COG6: variants seen among roughly 807,000 people sequenced by gnomAD.
COG6 encodes the protein conserved oligomeric Golgi complex subunit 6.
COG6 carries 74 observed loss-of-function variants against 88.8 expected under a neutral mutation model. That is an observed-to-expected ratio of 0.83 (90% CI 0.69 to 1.01). COG6 has a LOEUF of 1.01. Among genes scored for constraint, COG6 ranks in the 50% least tolerant of loss-of-function variants. The probability of loss-of-function intolerance (pLI) is 0.00; values close to 1 mark genes in which losing one functional copy is unlikely to be tolerated. For synonymous variants in COG6, 286 were observed against 278.7 expected, an observed-to-expected ratio of 1.03 and a Z score of -0.26; for missense variants, 800 against 797.9, an observed-to-expected ratio of 1.00 and a Z score of -0.03.
intron 12 of COG6, 51 bp downstream of exon 12, chr13:39,694,776 C>G (rs1383172609): frequency 1.0e-6 from 1 of 994,226 alleles, no homozygotes; most frequent in Non-Finnish European, 1.6e-6. Flanking sequence ...ATATTTCTTT[C>G]AGTTAGAGCA....
At position 39,719,994 on chromosome 13, in the gene COG6, A is replaced by AACACAC. The variant is rs58617808; in HGVS notation, c.1584+195_1584+200dup. 0.061 allele frequency among the ~76,000 whole-genome samples: 8,972 copies of AACACAC among 147,778 alleles called. 571 individuals are homozygous for AACACAC. Among genetic ancestry groups the AACACAC allele is most frequent in the African/African-American group, 0.16 (6,536 of 40,220 alleles). ...ATATACACAACACACGCACATACAC[A>AACACAC]ACACACACACACACACACACACACA... On this transcript the variant is annotated intron_variant, in intron 15 of 18. Transcript: ENST00000455146.
chr13:39,679,315 T>A, intron 5 of COG6: 1 of 532,454 alleles, frequency 1.9e-6, no homozygotes, highest in Non-Finnish European at 3.4e-6. Flanking sequence ...TCAACACTAT[T>A]TGGCACATAG....
rs374418372 is a variant in COG6 at position 39,723,292 on chromosome 13, T to C, written c.1585-41T>C. On this transcript the variant is annotated intron_variant, in intron 15 of 18. Coordinates refer to ENST00000455146, the MANE Select transcript of COG6 (RefSeq NM_020751.3). ...GGCACTGCATCTACTCTCATCAGTGTCATTCTTCTTTTAAAATGTTTTCTT... is the reference window on the plus strand; with the variant it reads ...GGCACTGCATCTACTCTCATCAGTGCCATTCTTCTTTTAAAATGTTTTCTT... 2.4e-6 allele frequency: 3 copies of C among 1,263,342 alleles called. No individual in the cohort carries two copies. In the African/African-American group the frequency reaches 4.4e-5, roughly 19 times the overall value. 78.3% of individuals were successfully genotyped at this position (1,263,342 alleles called of 1,614,324 possible). A position where few individuals can be genotyped will look rare whatever the true frequency, so the allele number is the denominator to read the frequency against.
At chr13:39,706,563 T>C (rs1474996331) in intron 13 of COG6, among the ~76,000 whole-genome samples, 1 of 151,950 alleles carries the variant, frequency 6.6e-6, no homozygotes, top group Non-Finnish European at 1.5e-5. Context: ...GGATAAAAAG[T>C]AAATAGTCAC....
intron 13 of COG6, among the ~76,000 whole-genome samples, chr13:39,710,817 G>A (rs1023482955): frequency 2.0e-5 from 3 of 147,948 alleles, no homozygotes; most frequent in Non-Finnish European, 3.0e-5. Context: ...TTTAAATAGG[G>A]CAGTGAAGAC....
rs545450480 is a variant in COG6 at position 39,788,130 on chromosome 13, A to G, written c.1827-205A>G. On this transcript the variant is annotated intron_variant, in intron 18 of 18. Transcript: ENST00000416691. ...GAGCTTTTCCTGTGTGACAACTGTT[A>G]CCACTATAAAATAATAAACGGTAAG... Among the ~76,000 whole-genome samples the G allele has an allele frequency of 7.2e-5, 11 of 152,306 alleles. 1 individual carries two copies. The highest frequency in any genetic ancestry group is 2.6e-4 in the African/African-American group (11 of 41,556).
chr13:39,742,715 G>T (rs1184036756), intron 18 of COG6, among the ~76,000 whole-genome samples: 1 of 152,040 alleles, frequency 6.6e-6, no homozygotes, highest in East Asian at 1.9e-4. Flanking sequence ...AGTTAACAAG[G>T]ATATCCAGGA....
intron 11 of COG6, among the ~76,000 whole-genome samples, chr13:39,692,247 A>C (rs1218834558): frequency 2.6e-5 from 4 of 151,952 alleles, no homozygotes; most frequent in Non-Finnish European, 5.9e-5. Context: ...TTATTCCAAA[A>C]CTGTAGCTAG....
At chr13:39,656,128 G>C (rs1476788315) in intron 1 of COG6, 2 of 645,070 alleles carry the variant, frequency 3.1e-6, no homozygotes, top group South Asian at 3.0e-5. Context: ...TGCCTTCAAG[G>C]CTCTCTGGAT....
intron 18 of COG6, among the ~76,000 whole-genome samples, chr13:39,762,712 A>G (rs1249009545): frequency 1.3e-5 from 2 of 148,816 alleles, no homozygotes; most frequent in Non-Finnish European, 3.0e-5. Context: ...ATTTTCCGTG[A>G]TTTTTCTTTG....
At chr13:39,696,036 C>A (rs1287810584) in intron 12 of COG6, among the ~76,000 whole-genome samples, 2 of 151,786 alleles carry the variant, frequency 1.3e-5, no homozygotes, top group Admixed American at 1.3e-4. Context: ...ATCTTAGTTT[C>A]TAATGTAGAA....
At chr13:39,783,843 C>T (rs1029757143) in intron 18 of COG6, among the ~76,000 whole-genome samples, 3 of 152,124 alleles carry the variant, frequency 2.0e-5, no homozygotes, top group Admixed American at 2.0e-4. Flanking sequence ...ATGTAGAAGT[C>T]CAACTTGAGT....
intron 11 of COG6, among the ~76,000 whole-genome samples, chr13:39,693,674 A>C (rs573959422): frequency 6.6e-6 from 1 of 152,086 alleles, no homozygotes; most frequent in Admixed American, 6.6e-5. Context: ...AAACATATTA[A>C]TGTAAAGGTA....
At chr13:39,741,676 C>T (rs773411878) in intron 18 of COG6, among the ~76,000 whole-genome samples, 5 of 152,150 alleles carry the variant, frequency 3.3e-5, no homozygotes, top group Non-Finnish European at 7.4e-5. Flanking sequence ...TTGGAAAACA[C>T]TCTTCAGGAT....
chr13:39,671,230 G>C (rs991335800), intron 4 of COG6, among the ~76,000 whole-genome samples: 2 of 151,950 alleles, frequency 1.3e-5, no homozygotes, highest in Non-Finnish European at 2.9e-5. Flanking sequence ...AAGGGAAATA[G>C]TATGAGGAAA....
At chr13:39,718,985 A>G (rs1878690975) in intron 13 of COG6, among the ~76,000 whole-genome samples, 1 of 152,144 alleles carries the variant, frequency 6.6e-6, no homozygotes, top group Admixed American at 6.6e-5. Context: ...ATTGAACACT[A>G]ACTTTTCAAA....
At chr13:39,678,211 G>T (rs1157878772) in intron 5 of COG6, 2 of 335,602 alleles carry the variant, frequency 6.0e-6, no homozygotes, top group East Asian at 1.1e-4. Flanking sequence ...GGGTATCCAG[G>T]CATGCACCAC....
intron 18 of COG6, among the ~76,000 whole-genome samples, chr13:39,741,620 A>G (rs1245866771): frequency 1.3e-5 from 2 of 152,202 alleles, no homozygotes; most frequent in Admixed American, 6.5e-5. Flanking sequence ...GACCAAATCT[A>G]CGTTTGATTG....
intron 3 of COG6, among the ~76,000 whole-genome samples, chr13:39,663,095 C>T (rs1003170917): frequency 4.0e-4 from 60 of 151,202 alleles, no homozygotes; most frequent in Non-Finnish European, 3.5e-4. Flanking sequence ...AAATAATAAA[C>T]ATGCATTTAG....
Sources: gnomAD v4.1 joint callset for allele counts (sites outside exome capture counted in the v4.1 genomes callset) on GRCh38, gnomAD v4.1.1 for gene constraint, MANE v1.5 for transcripts, NCBI Gene and HGNC (gene_info 2026-07-23, HGNC 2026-07-21) for gene names.